GOLPH3L: variants seen among roughly 807,000 people sequenced by gnomAD.
The protein encoded by GOLPH3L is golgi phosphoprotein 3 like, also known as Golgi phosphoprotein 3-like.
A neutral mutation model predicts 30.3 loss-of-function variants in GOLPH3L; 22 were observed. The ratio of observed to expected loss-of-function variants is 0.73; its 90% CI spans 0.52 to 1.04. The LOEUF (loss-of-function observed/expected upper bound fraction) is 1.04, where lower values mean the gene tolerates loss of function less well. Among genes scored for constraint, GOLPH3L ranks in the 50% least tolerant of loss-of-function variants. The pLI is 0.00. For missense variants in GOLPH3L, 303 were observed against 345.8 expected, an observed-to-expected ratio of 0.88 and a Z score of 0.98; for synonymous variants, 120 against 128.2, an observed-to-expected ratio of 0.94 and a Z score of 0.43.
At position 150,694,729 on chromosome 1, in the gene GOLPH3L, T is replaced by C; in HGVS notation, c.110A>G (p.Asp37Gly). The C allele has an allele frequency of 3.7e-6, 6 of 1,607,312 alleles. No homozygotes were observed. Among genetic ancestry groups the C allele is most frequent in the East Asian group, 4.5e-5 (2 of 44,840 alleles). The part of the protein sequence containing the change: ...SNWEKSPDNE[D>G]SGDSKDIRLT... The stretch of plus-strand genomic sequence containing the variant: ...GCGGATATCCTTAGAGTCTCCAGAA[T>C]CTTCATTGTCTGGACTTTTCTCCCA... The change falls in exon 2 of 5, where the codon GAT becomes GGT. Residue 37 changes from aspartate to glycine, a missense_variant. Asp to Gly is a moderately conservative substitution (Grantham distance 94). Coordinates refer to ENST00000271732, the MANE Select transcript of GOLPH3L (RefSeq NM_018178.6).
At chr1:150,671,577 C>T (rs931960296) in intron 2 of GOLPH3L, among the ~76,000 whole-genome samples, 7 of 151,938 alleles carry the variant, frequency 4.6e-5, no homozygotes, top group African/African-American at 7.2e-5. Context: ...GAGGCCAAGG[C>T]GGGCGGATCA....
intron 2 of GOLPH3L, among the ~76,000 whole-genome samples, chr1:150,690,392 A>AT (rs1212155530): frequency 2.0e-5 from 3 of 152,218 alleles, no homozygotes; most frequent in Admixed American, 1.3e-4. Context: ...AACATTTAGG[A>AT]TTTTTTCCTT....
At chr1:150,674,703 C>T (rs942563113) in intron 2 of GOLPH3L, among the ~76,000 whole-genome samples, 1 of 151,942 alleles carries the variant, frequency 6.6e-6, no homozygotes, top group Non-Finnish European at 1.5e-5. Context: ...CCAGCTTAGG[C>T]AACATACTGA....
chr1:150,689,265 G>A (rs1651156439), intron 2 of GOLPH3L, among the ~76,000 whole-genome samples: 1 of 152,092 alleles, frequency 6.6e-6, no homozygotes, highest in African/African-American at 2.4e-5. Context: ...AAATTAAATA[G>A]ATGAGAAATG....
Position 150,663,688 on chromosome 1 carries a change from C to T in GOLPH3L, c.259G>A (p.Gly87Ser), listed in dbSNP as rs1467499894. The change falls in exon 3 of 5, where the codon GGT (glycine) becomes AGT (serine). Residue 87 changes from glycine to serine, a missense_variant. Transcript: ENST00000271732. Reference protein sequence around the residue: ...GGILIELAMRGRIYLEPPTMR... With the variant: ...GGILIELAMRSRIYLEPPTMR... The stretch of plus-strand genomic sequence containing the variant: ...GTCGGGGGTTCCAGATAGATTCGAC[C>T]CCGCATGGCCAGCTCTATCAGGATG... 1 of 1,613,752 alleles carries T rather than the reference C, an allele frequency of 6.2e-7. No individual in the cohort carries two copies.
chr1:150,693,797 A>ATGTGTGTGTGTGTGTGTGTGTG (rs796936730), intron 2 of GOLPH3L, among the ~76,000 whole-genome samples: 73 of 60,910 alleles, frequency 1.2e-3, no homozygotes, highest in African/African-American at 5.4e-3. Context: ...TTGTTTATGT[A>ATGTGTGTGTGTGTGTGTGTGTG]TGTGTGTGTG....
chr1:150,662,800 TAAATC>T (rs1650399209), intron 3 of GOLPH3L, among the ~76,000 whole-genome samples: 1 of 151,980 alleles, frequency 6.6e-6, no homozygotes, highest in African/African-American at 2.4e-5. Context: ...AAGAGAAAAA[TAAATC>T]AAAGACTGAA....
At chr1:150,686,452 A>G (rs1046107887) in intron 2 of GOLPH3L, among the ~76,000 whole-genome samples, 5 of 151,860 alleles carry the variant, frequency 3.3e-5, no homozygotes, top group African/African-American at 1.2e-4. Context: ...TAATCCTCCC[A>G]TTTTGGCCTC....
At chr1:150,695,663 A>C (rs1292198541) in intron 1 of GOLPH3L, among the ~76,000 whole-genome samples, 7 of 152,212 alleles carry the variant, frequency 4.6e-5, no homozygotes, top group African/African-American at 7.2e-5. Context: ...AGAATACGAA[A>C]AACTAAATAG....
intron 2 of GOLPH3L, among the ~76,000 whole-genome samples, chr1:150,669,053 A>G (rs779723516): frequency 3.3e-5 from 5 of 152,204 alleles, no homozygotes; most frequent in African/African-American, 4.8e-5. Flanking sequence ...CTATTGTAGC[A>G]TCTCAAAACA....
chr1:150,675,055 A>C (rs143559942), intron 2 of GOLPH3L, among the ~76,000 whole-genome samples: 72 of 152,138 alleles, frequency 4.7e-4, no homozygotes, highest in African/African-American at 1.7e-3. Flanking sequence ...TTAAAAAAAA[A>C]AATTTGTAGC....
chr1:150,665,382 A>T (rs1176535006), intron 2 of GOLPH3L, among the ~76,000 whole-genome samples: 1 of 151,940 alleles, frequency 6.6e-6, no homozygotes. Flanking sequence ...GCTGAAATGC[A>T]GTGGGGCCAT....
At chr1:150,661,724 C>T (rs1013016393) in intron 4 of GOLPH3L, 90 bp downstream of exon 4, 4 of 738,786 alleles carry the variant, frequency 5.4e-6, no homozygotes, top group Admixed American at 1.8e-5. Context: ...TCATCCAGCA[C>T]GATGAATTTC....
chr1:150,693,040 G>A (rs587618004), intron 2 of GOLPH3L, among the ~76,000 whole-genome samples: 1 of 152,078 alleles, frequency 6.6e-6, no homozygotes, highest in East Asian at 1.9e-4. Flanking sequence ...TTGCCTTTTC[G>A]TTTATTTGCC....
intron 4 of GOLPH3L, among the ~76,000 whole-genome samples, chr1:150,651,642 CAAA>C (rs59940841): frequency 8.2e-5 from 5 of 60,844 alleles, no homozygotes; most frequent in Middle Eastern, 0.014. Flanking sequence ...GAGCGAAACT[CAAA>C]AAAAAAAAAA....
At chr1:150,694,192 G>A (rs773241548) in intron 2 of GOLPH3L, 21 of 439,050 alleles carry the variant, frequency 4.8e-5, no homozygotes, top group Non-Finnish European at 4.7e-6. Context: ...GATGCACAGA[G>A]GAAAATAAAA....
Position 150,653,374 on chromosome 1 carries a change from C to T in GOLPH3L, c.431-4626G>A, listed in dbSNP as rs139702507. On this transcript the variant is annotated intron_variant, in intron 4 of 4. Coordinates refer to ENST00000271732, the MANE Select transcript of GOLPH3L (RefSeq NM_018178.6). ...GCAATGGCATGATCTCAGCTCACTG[C>T]AACCGCTGCCTGCCGGGTTCAAGTG... 6.7e-5 allele frequency among the ~76,000 whole-genome samples: 10 copies of T among 148,648 alleles called. No homozygotes were observed. In the East Asian group the frequency reaches 1.8e-3, roughly 26 times the overall value.
chr1:150,651,889 A>G (rs921049880), intron 4 of GOLPH3L, among the ~76,000 whole-genome samples: 3 of 152,096 alleles, frequency 2.0e-5, no homozygotes, highest in Admixed American at 1.3e-4. Flanking sequence ...AGAAAGAGGC[A>G]GAAAAAATAC....
chr1:150,651,614 A>G (rs903699952), intron 4 of GOLPH3L, among the ~76,000 whole-genome samples: 3 of 141,054 alleles, frequency 2.1e-5, no homozygotes, highest in African/African-American at 5.3e-5. Flanking sequence ...ACACCATTAC[A>G]CTCCAGCCTC....
Sources: allele counts gnomAD v4.1 joint callset (sites outside exome capture counted in the v4.1 genomes callset), GRCh38; gene constraint gnomAD v4.1.1; transcripts MANE v1.5; gene names NCBI Gene and HGNC (gene_info 2026-07-23, HGNC 2026-07-21).